Variants in ARHGAP10 observed in about 807,000 individuals in gnomAD.
ARHGAP10 encodes Rho GTPase activating protein 10.
A neutral mutation model predicts 108.6 loss-of-function variants in ARHGAP10; 87 were observed. The observed-to-expected ratio is 0.80, with a 90% CI of 0.67 to 0.96. The LOEUF is 0.96. ARHGAP10 is among the 40% of genes least tolerant of loss of function. The pLI is 0.00. For missense variants in ARHGAP10, 939 were observed against 954.5 expected (o/e 0.98, Z 0.21); for synonymous variants, 347 against 341.1 (o/e 1.02, Z -0.19).
chr4:147,966,645 G>T (rs950862083), intron 17 of ARHGAP10, 35 bp from the exon 18 acceptor site: 5 of 1,516,942 alleles, frequency 3.3e-6, no homozygotes, highest in African/African-American at 2.8e-5. Context: ...TTGCTCCTTT[G>T]GTTAAACAGA....
Position 147,953,470 on chromosome 4 carries a change from G to A in ARHGAP10, c.1392-1846G>A, listed in dbSNP as rs1738683175. 2.0e-5 allele frequency among the ~76,000 whole-genome samples: 3 copies of A among 152,114 alleles called. 1 individual carries two copies. In the South Asian group the frequency reaches 6.2e-4, roughly 32 times the overall value. On this transcript the variant is annotated intron_variant, in intron 15 of 22. Coordinates refer to ENST00000336498, the MANE Select transcript of ARHGAP10 (RefSeq NM_024605.4). Reference sequence around the variant, plus strand: ...ACTCAGGTTATCTGTTTCTTCTTGAGCGAACTTTGGTAGTCTGTGTCTTTT... The same window carrying A: ...ACTCAGGTTATCTGTTTCTTCTTGAACGAACTTTGGTAGTCTGTGTCTTTT...
In ARHGAP10 at chr4:147,946,829, A is replaced by G. The variant is rs1738402277; in HGVS notation, c.1391+125A>G. ...GCCTTATTTTAAAAAGGGAAAATTT[A>G]TCAGGTGTCTCAGTGTCCCAGAAAG... On this transcript the variant is annotated intron_variant, in intron 15 of 22. Coordinates refer to ENST00000336498, the MANE Select transcript of ARHGAP10 (RefSeq NM_024605.4). 1.6e-5 allele frequency: 11 copies of G among 669,230 alleles called. No individual in the cohort carries two copies. The East Asian group carries it at 3.6e-4, about 22-fold the overall frequency. The allele number at this position is 669,230 out of a possible 1,614,324, so 41.5% of individuals were successfully genotyped here. A position where few individuals can be genotyped will look rare whatever the true frequency, so the allele number is the denominator to read the frequency against.
intron 18 of ARHGAP10, among the ~76,000 whole-genome samples, chr4:148,015,668 A>G (rs980589407): frequency 6.6e-6 from 1 of 152,146 alleles, no homozygotes. Flanking sequence ...CGTGGTAGCT[A>G]CTCTGAGGTT....
chr4:148,064,385 T>G, intron 21 of ARHGAP10, 31 bp from the exon 22 acceptor site: 2 of 1,595,056 alleles, frequency 1.3e-6, no homozygotes, highest in Non-Finnish European at 1.7e-6. Context: ...CACATTTTCA[T>G]TGGTGTCTTT....
Position 147,834,540 on chromosome 4 carries a change from C to T in ARHGAP10, c.312+11583C>T, listed in dbSNP as rs530972875. Among the ~76,000 whole-genome samples the T allele has an allele frequency of 1.6e-3, 245 of 152,186 alleles. 1 individual carries two copies. The highest frequency in any genetic ancestry group is 5.7e-3 in the African/African-American group (236 of 41,508). On this transcript the variant is annotated intron_variant, in intron 3 of 22. Coordinates refer to ENST00000336498, the MANE Select transcript of ARHGAP10 (RefSeq NM_024605.4). ...TGAATCCATTCATCTTTTAAGGCCC[C>T]ACCTCTCAATAATGCCAGACTGGGG... is the stretch of plus-strand genomic sequence containing the variant.
At chr4:147,760,573 C>T (rs1729550918) in intron 1 of ARHGAP10, among the ~76,000 whole-genome samples, 1 of 152,116 alleles carries the variant, frequency 6.6e-6, no homozygotes, top group Admixed American at 6.5e-5. Flanking sequence ...TGTCTGTCCC[C>T]CAAGTCCATA....
intron 18 of ARHGAP10, among the ~76,000 whole-genome samples, chr4:147,992,837 C>T (rs935287243): frequency 6.6e-6 from 1 of 152,142 alleles, no homozygotes; most frequent in Non-Finnish European, 1.5e-5. Context: ...GAGCTTGTAC[C>T]ACGGGACTTT....
intron 18 of ARHGAP10, among the ~76,000 whole-genome samples, chr4:148,015,663 T>C (rs1741318836): frequency 6.6e-6 from 1 of 152,236 alleles, no homozygotes; most frequent in Non-Finnish European, 1.5e-5. Context: ...GTTCACGTGG[T>C]AGCTACTCTG....
intron 16 of ARHGAP10, among the ~76,000 whole-genome samples, chr4:147,957,754 T>G (rs1738841288): frequency 6.6e-6 from 1 of 152,182 alleles, no homozygotes; most frequent in East Asian, 1.9e-4. Flanking sequence ...ATCAGTTTCT[T>G]TCCTGTAGTT....
intron 15 of ARHGAP10, among the ~76,000 whole-genome samples, chr4:147,950,697 G>A (rs987066694): frequency 4.6e-5 from 7 of 152,050 alleles, no homozygotes; most frequent in African/African-American, 1.4e-4. Flanking sequence ...TTCTACTGAC[G>A]AGGCAATTTT....
chr4:147,887,841 G>A lies in ARHGAP10; in HGVS notation c.1034+5909G>A, dbSNP rs111543831. Among the ~76,000 whole-genome samples the A allele has an allele frequency of 6.5e-3, 982 of 151,060 alleles. 7 individuals carry two copies. The highest frequency in any genetic ancestry group is 0.023 in the African/African-American group (935 of 41,054). Reference sequence around the variant, plus strand: ...GGCACCACCGCACTCCAGCCTGGGCGACAGAGCGAGACTCCATCTCAAAAA... The same window carrying A: ...GGCACCACCGCACTCCAGCCTGGGCAACAGAGCGAGACTCCATCTCAAAAA... On this transcript the variant is annotated intron_variant, in intron 10 of 22. Transcript: ENST00000336498.
intron 10 of ARHGAP10, among the ~76,000 whole-genome samples, chr4:147,889,934 C>T (rs555011607): frequency 4.6e-5 from 7 of 152,102 alleles, no homozygotes; most frequent in Admixed American, 1.3e-4. Flanking sequence ...TTGGGAAGCC[C>T]AGAGGTTGCC....
At chr4:148,060,520 G>GA (rs943369705) in intron 20 of ARHGAP10, among the ~76,000 whole-genome samples, 30 of 152,102 alleles carry the variant, frequency 2.0e-4, no homozygotes, top group African/African-American at 7.0e-4. Context: ...ACAAGCCTCT[G>GA]AAAAATTTCC....
At chr4:147,814,772 T>G (rs940491331) in intron 1 of ARHGAP10, among the ~76,000 whole-genome samples, 7 of 152,206 alleles carry the variant, frequency 4.6e-5, no homozygotes, top group African/African-American at 1.4e-4. Flanking sequence ...AATTTCTTCT[T>G]TTTATAAGAA....
intron 22 of ARHGAP10, among the ~76,000 whole-genome samples, chr4:148,067,419 A>G (rs756264392): frequency 1.3e-5 from 2 of 152,176 alleles, no homozygotes; most frequent in Non-Finnish European, 2.9e-5. Context: ...CTGTCTGACA[A>G]CTGACACTGA....
chr4:147,805,104 C>T (rs1173500315), intron 1 of ARHGAP10, among the ~76,000 whole-genome samples: 1 of 152,094 alleles, frequency 6.6e-6, no homozygotes, highest in African/African-American at 2.4e-5. Flanking sequence ...TTTACAGTGT[C>T]AGGTTTTACA....
chr4:147,754,820 G>A (rs1346353891), intron 1 of ARHGAP10, among the ~76,000 whole-genome samples: 2 of 152,138 alleles, frequency 1.3e-5, no homozygotes, highest in Admixed American at 6.5e-5. Context: ...CCGGCTGGGC[G>A]TGGTAGCTCA....
rs996470635 is a variant in ARHGAP10 at position 148,072,407 on chromosome 4, C to T, written c.*326C>T. On this transcript the variant is annotated 3_prime_UTR_variant, in exon 23 of 23. Transcript: ENST00000336498. ...CCTTCTGCCACCTGTGTCGCCTCCACTGGCAGTCACGCCACCAGAGCCACC... is the reference window on the plus strand; with the variant it reads ...CCTTCTGCCACCTGTGTCGCCTCCATTGGCAGTCACGCCACCAGAGCCACC... The T allele has an allele frequency of 1.8e-5, 5 of 279,806 alleles. No individual in the cohort carries two copies. Among genetic ancestry groups the T allele is most frequent in the Non-Finnish European group, 2.7e-5 (4 of 150,364 alleles). The allele number at this position is 279,806 out of a possible 1,614,324, so 17.3% of individuals were successfully genotyped here.
intron 13 of ARHGAP10, among the ~76,000 whole-genome samples, chr4:147,931,503 A>G (rs1043737675): frequency 3.9e-5 from 6 of 152,252 alleles, no homozygotes; most frequent in South Asian, 4.1e-4. Context: ...GTCTATATCT[A>G]TAGTTCTATA....
Sources: allele counts gnomAD v4.1 joint callset (sites outside exome capture counted in the v4.1 genomes callset), GRCh38; gene constraint gnomAD v4.1.1; transcripts MANE v1.5; gene names NCBI Gene and HGNC (gene_info 2026-07-23, HGNC 2026-07-21).